Variants in DCC observed in about 807,000 individuals in gnomAD.
DCC encodes the protein netrin receptor DCC.
DCC carries 58 observed loss-of-function variants against 172.5 expected under a neutral mutation model. The ratio of observed to expected loss-of-function variants is 0.34; its 90% CI spans 0.27 to 0.42. The LOEUF (loss-of-function observed/expected upper bound fraction) is 0.42. DCC is among the 10% of genes least tolerant of loss of function. The probability of loss-of-function intolerance (pLI) is 1.00; values close to 1 mark genes in which losing one functional copy is unlikely to be tolerated. For missense variants in DCC, 1,740 were observed against 1,791.0 expected, an observed-to-expected ratio of 0.97 and a Z score of 0.51; for synonymous variants, 709 against 644.5, an observed-to-expected ratio of 1.10 and a Z score of -1.52.
chr18:53,278,139 A>T (rs1416516055), intron 12 of DCC, among the ~76,000 whole-genome samples: 1 of 152,140 alleles, frequency 6.6e-6, no homozygotes, highest in Non-Finnish European at 1.5e-5. Flanking sequence ...AACTAAACTA[A>T]AATTGAACAG....
intron 5 of DCC, among the ~76,000 whole-genome samples, chr18:52,938,686 A>C (rs559349160): frequency 4.6e-5 from 7 of 152,310 alleles, no homozygotes; most frequent in Admixed American, 4.6e-4. Context: ...GAAAACTGTC[A>C]AAATAAGTAA....
At chr18:52,485,135 CAT>C (rs1157125402) in intron 1 of DCC, among the ~76,000 whole-genome samples, 1 of 152,040 alleles carries the variant, frequency 6.6e-6, no homozygotes, top group Non-Finnish European at 1.5e-5. Flanking sequence ...CATAACATGA[CAT>C]GTGGTTTCTT....
intron 1 of DCC, among the ~76,000 whole-genome samples, chr18:52,681,665 G>A (rs141754188): frequency 1.3e-5 from 2 of 152,176 alleles, no homozygotes; most frequent in East Asian, 3.9e-4. Context: ...TGCCACAGAT[G>A]GACCCACTGG....
chr18:52,711,354 T>C (rs921142843), intron 1 of DCC, among the ~76,000 whole-genome samples: 3 of 152,052 alleles, frequency 2.0e-5, no homozygotes, highest in South Asian at 2.1e-4. Context: ...CAGCCTCCCA[T>C]GTAGCTGGTA....
intron 7 of DCC, among the ~76,000 whole-genome samples, chr18:53,084,494 A>T (rs1038943926): frequency 6.6e-5 from 10 of 152,162 alleles, no homozygotes; most frequent in African/African-American, 2.4e-4. Flanking sequence ...GCAGGATATG[A>T]GTTGCTGCTC....
chr18:53,338,451 A>C (rs576320324), intron 14 of DCC, among the ~76,000 whole-genome samples: 3 of 152,266 alleles, frequency 2.0e-5, no homozygotes, highest in African/African-American at 7.2e-5. Context: ...AAAATACAAA[A>C]ATTAGCCAAA....
chr18:53,313,752 C>T (rs1217174866), intron 13 of DCC, among the ~76,000 whole-genome samples: 1 of 152,178 alleles, frequency 6.6e-6, no homozygotes, highest in African/African-American at 2.4e-5. Context: ...TAATGTCTCT[C>T]TTGGGTTCTA....
At chr18:52,846,532 C>T (rs2038892627) in intron 2 of DCC, among the ~76,000 whole-genome samples, 1 of 150,690 alleles carries the variant, frequency 6.6e-6, no homozygotes, top group African/African-American at 2.4e-5. Context: ...GATTGAGACC[C>T]TGTCTCAAAG....
At chr18:52,487,165 A>G (rs555337764) in intron 1 of DCC, among the ~76,000 whole-genome samples, 1 of 152,176 alleles carries the variant, frequency 6.6e-6, no homozygotes, top group East Asian at 1.9e-4. Flanking sequence ...TTATCTCTGG[A>G]TTTTGCAAAT....
At chr18:53,263,934 A>G (rs1406280423) in intron 12 of DCC, among the ~76,000 whole-genome samples, 1 of 152,146 alleles carries the variant, frequency 6.6e-6, no homozygotes, top group East Asian at 1.9e-4. Context: ...ACAATCAATA[A>G]TGTTTTAAAA....
At chr18:52,603,841 T>G (rs954766062) in intron 1 of DCC, among the ~76,000 whole-genome samples, 1 of 151,580 alleles carries the variant, frequency 6.6e-6, no homozygotes, top group East Asian at 1.9e-4. Flanking sequence ...TTTTCCTTCT[T>G]GATTTAATTT....
At chr18:53,076,278 A>T (rs2042724047) in intron 7 of DCC, among the ~76,000 whole-genome samples, 1 of 152,156 alleles carries the variant, frequency 6.6e-6, no homozygotes, top group Non-Finnish European at 1.5e-5. Context: ...GTAAACAGAG[A>T]TTCTCCAAAT....
chr18:52,874,120 G>A (rs538365691), intron 2 of DCC, among the ~76,000 whole-genome samples: 66 of 152,146 alleles, frequency 4.3e-4, no homozygotes, highest in African/African-American at 1.4e-3. Flanking sequence ...GGCTACCCCT[G>A]GGATTAAAAC....
intron 1 of DCC, among the ~76,000 whole-genome samples, chr18:52,465,950 T>C (rs1988772570): frequency 6.6e-6 from 1 of 152,254 alleles, no homozygotes; most frequent in Admixed American, 6.5e-5. Flanking sequence ...ATCGTGCTCA[T>C]TTTATAAATG....
chr18:52,826,662 A>G (rs1414368919), intron 2 of DCC, among the ~76,000 whole-genome samples: 1 of 151,948 alleles, frequency 6.6e-6, no homozygotes, highest in African/African-American at 2.4e-5. Flanking sequence ...TATTTTTAGT[A>G]GAGATGGGGT....
chr18:52,844,959 AAGG>A (rs1260406024), intron 2 of DCC, among the ~76,000 whole-genome samples: 1 of 152,334 alleles, frequency 6.6e-6, no homozygotes, highest in East Asian at 1.9e-4. Context: ...TTGGTAAAGG[AAGG>A]AGAAGAATTT....
chr18:52,805,618 G>A (rs1179224060), intron 2 of DCC, among the ~76,000 whole-genome samples: 3 of 152,120 alleles, frequency 2.0e-5, no homozygotes, highest in African/African-American at 4.8e-5. Flanking sequence ...ATTTAAAATT[G>A]TTTACATTAC....
chr18:52,752,861 T>TAC, intron 2 of DCC, among the ~76,000 whole-genome samples: 1 of 152,162 alleles, frequency 6.6e-6, no homozygotes, highest in Non-Finnish European at 1.5e-5. Context: ...TATTTTTCTT[T>TAC]CAGTGCCTGG....
At chr18:53,099,930 C>CTTTCTTTTTTTTT (rs1568304400) in intron 7 of DCC, among the ~76,000 whole-genome samples, 1 of 89,710 alleles carries the variant, frequency 1.1e-5, no homozygotes, top group Non-Finnish European at 2.2e-5. Flanking sequence ...CTTTTCTTTT[C>CTTTCTTTTTTTTT]TTTTCTTTCT....
Sources: gnomAD v4.1 joint callset for allele counts (sites outside exome capture counted in the v4.1 genomes callset) on GRCh38, gnomAD v4.1.1 for gene constraint, MANE v1.5 for transcripts, NCBI Gene and HGNC (gene_info 2026-07-23, HGNC 2026-07-21) for gene names.